The following P2RX5 variants were observed in gnomAD, a reference collection of about 807,000 sequenced individuals.
P2RX5 encodes the protein purinergic receptor P2X 5.
In P2RX5, 46 loss-of-function variants were observed where a neutral mutation model predicts 54.1. The ratio of observed to expected loss-of-function variants is 0.85; its 90% CI spans 0.67 to 1.09. P2RX5 has a LOEUF of 1.09. P2RX5 is among the 50% of genes least tolerant of loss of function. The probability of loss-of-function intolerance (pLI) is 0.00; values close to 1 mark genes in which losing one functional copy is unlikely to be tolerated. For synonymous variants in P2RX5, 226 were observed against 226.4 expected, an observed-to-expected ratio of 1.00 and a Z score of 0.02; for missense variants, 566 against 549.8, an observed-to-expected ratio of 1.03 and a Z score of -0.29.
chr17:3,704,683 C>T, the P2RX5 span, among the ~76,000 whole-genome samples: 8 of 152,132 alleles, frequency 5.3e-5, no homozygotes, highest in Admixed American at 1.3e-4. Flanking sequence ...GAGTAAAGAG[C>T]CAAATGCTAG....
upstream of P2RX5, among the ~76,000 whole-genome samples, chr17:3,698,947 T>C (rs939509743): frequency 2.0e-5 from 3 of 152,032 alleles, no homozygotes; most frequent in African/African-American, 7.3e-5. Flanking sequence ...CGCTCATGCC[T>C]GTAATCCCAG....
intron 2 of P2RX5, 52 bp from the exon 3 acceptor site, chr17:3,691,079 C>T: frequency 1.8e-5 from 24 of 1,330,936 alleles, no homozygotes; most frequent in Non-Finnish European, 2.5e-5. Context: ...TTAGGGACCA[C>T]CCCACCTTTC....
the P2RX5 span, among the ~76,000 whole-genome samples, chr17:3,712,420 A>G: frequency 6.6e-6 from 1 of 152,200 alleles, no homozygotes; most frequent in Non-Finnish European, 1.5e-5. Flanking sequence ...ACCCAAAGGC[A>G]GAGCAGCCGG....
At chr17:3,717,263 C>A in the P2RX5 span, 1 of 156,926 alleles carries the variant, frequency 6.4e-6, no homozygotes, top group East Asian at 1.9e-4. Flanking sequence ...TTGCACAGAT[C>A]CCTAAAGGCT....
the P2RX5 span, among the ~76,000 whole-genome samples, chr17:3,708,877 CA>C: frequency 0.54 from 79,627 of 148,086 alleles, 21,906 homozygotes; most frequent in African/African-American, 0.66. Flanking sequence ...CAACCCCCCT[CA>C]AAAAAAAAAA....
chr17:3,679,856 G>A (rs2050190455), intron 10 of P2RX5, 72 bp from the exon 11 acceptor site: 19 of 1,351,994 alleles, frequency 1.4e-5, no homozygotes, highest in Admixed American at 3.5e-5. Flanking sequence ...GGCGGAGTGG[G>A]CCTTGAAGAA....
chr17:3,720,843 A>G, the P2RX5 span, among the ~76,000 whole-genome samples: 4 of 152,100 alleles, frequency 2.6e-5, no homozygotes, highest in African/African-American at 7.2e-5. Flanking sequence ...TCGGCCTCCC[A>G]AAGTGCTGGG....
At chr17:3,715,928 G>A in the P2RX5 span, among the ~76,000 whole-genome samples, 22,734 of 151,984 alleles carry the variant, frequency 0.15, 5,311 homozygotes, top group African/African-American at 0.5. Flanking sequence ...AGGCCGAGGC[G>A]GGAGGATCAC....
chr17:3,714,988 A>G, the P2RX5 span: 1 of 1,186,236 alleles, frequency 8.4e-7, no homozygotes, highest in Non-Finnish European at 1.2e-6. Context: ...AAAGATAGCC[A>G]TCTGTTTCAG....
rs3786025 is a variant in P2RX5 at position 3,681,843 on chromosome 17, G to A, written c.1064+53C>T. 8.3e-4 allele frequency: 1,013 copies of A among 1,224,654 alleles called. 10 individuals are homozygous for A. In the East Asian group the frequency reaches 0.021, roughly 26 times the overall value. 75.9% of individuals were successfully genotyped at this position (1,224,654 alleles called of 1,614,324 possible). On this transcript the variant is annotated intron_variant, in intron 10 of 11. Coordinates refer to ENST00000225328, the MANE Select transcript of P2RX5 (RefSeq NM_002561.4). ...CATCAGGGCAAAGGCTCGAAGCCAC[G>A]GGGGTGCTCCACAGGGCTGCCCTCG...
At chr17:3,676,696 T>G in intron 11 of P2RX5, 1 of 306,526 alleles carries the variant, frequency 3.3e-6, no homozygotes, top group Non-Finnish European at 4.6e-6. Context: ...ACACAGGTTC[T>G]GATTTGGGTG....
chr17:3,702,282 A>T, the P2RX5 span, among the ~76,000 whole-genome samples: 2 of 152,106 alleles, frequency 1.3e-5, no homozygotes, highest in Admixed American at 1.3e-4. Context: ...CCTCTGTAAA[A>T]GCGCACCAAT....
chr17:3,682,520 G>A (rs1400103607), intron 9 of P2RX5: 1 of 186,456 alleles, frequency 5.4e-6, no homozygotes, highest in East Asian at 1.3e-4. Context: ...CAGGGCCTGT[G>A]CGGGAAGAGG....
chr17:3,681,607 C>T (rs1332904543), intron 10 of P2RX5, among the ~76,000 whole-genome samples: 2 of 152,248 alleles, frequency 1.3e-5, no homozygotes, highest in Non-Finnish European at 1.5e-5. Flanking sequence ...ACTCTCTCAT[C>T]TCCCAGATAG....
chr17:3,677,880 G>A (rs748496363), intron 11 of P2RX5: 87 of 985,234 alleles, frequency 8.8e-5, no homozygotes, highest in Non-Finnish European at 8.9e-5. Context: ...TTCTAGGTCC[G>A]AGCCCCTCTG....
intron 11 of P2RX5, among the ~76,000 whole-genome samples, chr17:3,674,828 A>C (rs149592): frequency 0.47 from 71,895 of 151,896 alleles, 18,114 homozygotes; most frequent in African/African-American, 0.65. Context: ...TCTGGCTACT[A>C]CTCGCTGACC....
At position 3,681,983 on chromosome 17, in the gene P2RX5, A is replaced by C. The variant is rs762631368; in HGVS notation, c.982-5T>G. On this transcript the variant is annotated splice_region_variant and splice_polypyrimidine_tract_variant and intron_variant, in intron 9 of 11. Coordinates refer to ENST00000225328, the MANE Select transcript of P2RX5 (RefSeq NM_002561.4). ...CAGGTCGCAGAAGAAAGCACCCTGC[A>C]AAACAGGGGTTCCTGATTCAGAATC... 1 of 1,602,314 alleles carries C rather than the reference A, an allele frequency of 6.2e-7. No homozygotes were observed. Among genetic ancestry groups the C allele is most frequent in the South Asian group, 1.1e-5 (1 of 90,784 alleles).
At chr17:3,692,038 C>A (rs1241873944) in intron 1 of P2RX5, 21 of 547,452 alleles carry the variant, frequency 3.8e-5, no homozygotes, top group Non-Finnish European at 5.6e-5. Context: ...GAGGCAAAGA[C>A]CAGCCGGGCG....
chr17:3,722,176 GAA>G, the P2RX5 span, among the ~76,000 whole-genome samples: 4 of 144,874 alleles, frequency 2.8e-5, no homozygotes, highest in Non-Finnish European at 6.0e-5. Flanking sequence ...TTGAAAGAAA[GAA>G]AAGAAAAGAA....
Sources: allele counts gnomAD v4.1 joint callset (sites outside exome capture counted in the v4.1 genomes callset), GRCh38; gene constraint gnomAD v4.1.1; transcripts MANE v1.5; gene names NCBI Gene and HGNC (gene_info 2026-07-23, HGNC 2026-07-21).